The following RAB31 variants were observed in gnomAD, a reference collection of about 807,000 sequenced individuals.
The protein encoded by RAB31 is RAB31, member RAS oncogene family, also known as ras-related protein Rab-31.
RAB31 carries 21 observed loss-of-function variants against 25.6 expected under a neutral mutation model. That is an observed-to-expected ratio of 0.82 (90% CI 0.58 to 1.18). The LOEUF (loss-of-function observed/expected upper bound fraction) is 1.18. RAB31 is among the 50% of genes most tolerant of loss of function. The pLI is 0.00. For synonymous variants in RAB31, 87 were observed against 84.0 expected (o/e 1.04, Z -0.20); for missense variants, 196 against 250.1 (o/e 0.78, Z 1.46).
Position 9,861,087 on chromosome 18 carries a change from T to C in RAB31, c.*1762T>C, listed in dbSNP as rs988366697. ...GTGCTTGCAGGCCAAGAAATGATCA[T>C]ACCCCTTGCCAAAGGTAAAAAAAAA... On this transcript the variant is annotated 3_prime_UTR_variant, in exon 7 of 7. Coordinates refer to ENST00000578921, the MANE Select transcript of RAB31 (RefSeq NM_006868.4). The C allele has an allele frequency of 6.8e-6, 1 of 146,604 alleles. No homozygotes were observed. Among genetic ancestry groups the C allele is most frequent in the Non-Finnish European group, 1.5e-5 (1 of 66,978 alleles). The allele number at this position is 146,604 out of a possible 1,614,324, so 9.1% of individuals were successfully genotyped here. A position where few individuals can be genotyped will look rare whatever the true frequency, so the allele number is the denominator to read the frequency against.
chr18:9,827,953 A>G (rs1417472130), intron 5 of RAB31, among the ~76,000 whole-genome samples: 1 of 152,200 alleles, frequency 6.6e-6, no homozygotes, highest in Admixed American at 6.5e-5. Context: ...GATGCAGTCC[A>G]GAAAGGACAG....
intron 1 of RAB31, among the ~76,000 whole-genome samples, chr18:9,738,961 T>C (rs1325220396): frequency 2.0e-5 from 3 of 152,172 alleles, no homozygotes; most frequent in African/African-American, 7.2e-5. Context: ...AGTGGCTTGC[T>C]TGGTGTGTGG....
chr18:9,752,527 G>T (rs951741059), intron 1 of RAB31, among the ~76,000 whole-genome samples: 2 of 152,110 alleles, frequency 1.3e-5, no homozygotes, highest in Non-Finnish European at 2.9e-5. Flanking sequence ...GCCCGGCCCA[G>T]CTCGGCCCTT....
intron 1 of RAB31, among the ~76,000 whole-genome samples, chr18:9,724,042 C>T (rs112499554): frequency 0.066 from 10,015 of 151,888 alleles, 1,135 homozygotes; most frequent in African/African-American, 0.23. Context: ...GAGGCCGAGG[C>T]GGGCAGATCA....
intron 1 of RAB31, among the ~76,000 whole-genome samples, chr18:9,752,049 C>T (rs2068237763): frequency 6.6e-6 from 1 of 152,164 alleles, no homozygotes; most frequent in African/African-American, 2.4e-5. Context: ...AGCTTCCTCT[C>T]GCCTTGCTGA....
At chr18:9,745,607 C>T (rs1306130186) in intron 1 of RAB31, among the ~76,000 whole-genome samples, 2 of 152,094 alleles carry the variant, frequency 1.3e-5, no homozygotes, top group Non-Finnish European at 2.9e-5. Context: ...GGGTTTATCC[C>T]AGGAGTGCAA....
intron 3 of RAB31, among the ~76,000 whole-genome samples, chr18:9,807,064 C>T (rs796114058): frequency 4.6e-5 from 7 of 152,194 alleles, no homozygotes; most frequent in Non-Finnish European, 7.3e-5. Flanking sequence ...CAAGGCAAGA[C>T]GAACTTTGCT....
intron 1 of RAB31, among the ~76,000 whole-genome samples, chr18:9,716,912 T>TTCTC (rs2068047156): frequency 6.7e-6 from 1 of 148,222 alleles, no homozygotes; most frequent in Non-Finnish European, 1.5e-5. Context: ...TTGGCTAATT[T>TTCTC]TCTTTCTTTC....
intron 3 of RAB31, among the ~76,000 whole-genome samples, chr18:9,807,332 A>C (rs1170188909): frequency 6.6e-6 from 1 of 152,200 alleles, no homozygotes; most frequent in Non-Finnish European, 1.5e-5. Flanking sequence ...CCTTGAGGCT[A>C]AGGATGGGAG....
chr18:9,786,150 GAAAGAAGGAAAGAAAAGAA>G (rs111679219), intron 2 of RAB31, among the ~76,000 whole-genome samples: 10,160 of 151,790 alleles, frequency 0.067, 624 homozygotes, highest in East Asian at 0.32. Flanking sequence ...AAGAAAGAAA[GAAAGAAGGAAAGAAAAGAA>G]AAGGAAAGAA....
intron 1 of RAB31, among the ~76,000 whole-genome samples, chr18:9,761,838 T>C (rs1174632774): frequency 6.6e-6 from 1 of 152,182 alleles, no homozygotes; most frequent in Non-Finnish European, 1.5e-5. Flanking sequence ...GACAGAGTCT[T>C]GCTCTGTTGC....
intron 1 of RAB31, among the ~76,000 whole-genome samples, chr18:9,728,414 T>C (rs1200528078): frequency 6.6e-6 from 1 of 152,240 alleles, no homozygotes; most frequent in Non-Finnish European, 1.5e-5. Flanking sequence ...GAATAGGAGA[T>C]TGATATCTAA....
At chr18:9,811,407 C>T (rs2068570070) in intron 3 of RAB31, among the ~76,000 whole-genome samples, 1 of 152,172 alleles carries the variant, frequency 6.6e-6, no homozygotes, top group Non-Finnish European at 1.5e-5. Context: ...CTCAGATTTC[C>T]AAATACCATC....
At chr18:9,720,049 C>T (rs1268809897) in intron 1 of RAB31, among the ~76,000 whole-genome samples, 5 of 152,108 alleles carry the variant, frequency 3.3e-5, no homozygotes, top group Admixed American at 2.0e-4. Flanking sequence ...CTGCAACTTC[C>T]GCCTCCTGGG....
chr18:9,826,206 C>CT (rs34890453), intron 5 of RAB31, among the ~76,000 whole-genome samples: 105,627 of 151,618 alleles, frequency 0.7, 37,438 homozygotes, highest in East Asian at 0.91. Context: ...ATGAAACCCC[C>CT]CTCTACTAAA....
At chr18:9,762,414 G>A (rs550635718) in intron 1 of RAB31, among the ~76,000 whole-genome samples, 9 of 152,296 alleles carry the variant, frequency 5.9e-5, no homozygotes, top group African/African-American at 1.7e-4. Flanking sequence ...TATGATCTGC[G>A]AATGCTCCCT....
At chr18:9,847,561 G>C (rs565450725) in intron 6 of RAB31, among the ~76,000 whole-genome samples, 1 of 152,328 alleles carries the variant, frequency 6.6e-6, no homozygotes, top group East Asian at 1.9e-4. Flanking sequence ...TGAGTAGGAA[G>C]TACTGTACTA....
chr18:9,848,384 C>G (rs1008533343), intron 6 of RAB31, among the ~76,000 whole-genome samples: 5 of 152,150 alleles, frequency 3.3e-5, no homozygotes, highest in Admixed American at 2.0e-4. Context: ...ATCTGTCTGT[C>G]TAGTCATCTG....
At chr18:9,789,488 T>C (rs1013171973) in intron 2 of RAB31, among the ~76,000 whole-genome samples, 1 of 152,214 alleles carries the variant, frequency 6.6e-6, no homozygotes, top group African/African-American at 2.4e-5. Context: ...CATATCACTC[T>C]GTATCCCATA....
Sources: allele counts gnomAD v4.1 joint callset (sites outside exome capture counted in the v4.1 genomes callset), GRCh38; gene constraint gnomAD v4.1.1; transcripts MANE v1.5; gene names NCBI Gene and HGNC (gene_info 2026-07-23, HGNC 2026-07-21).